Variants in UBE2E2 observed in about 807,000 individuals in gnomAD.
UBE2E2 encodes ubiquitin conjugating enzyme E2 E2.
A neutral mutation model predicts 24.7 loss-of-function variants in UBE2E2; 6 were observed. The observed-to-expected ratio is 0.24, with a 90% CI of 0.13 to 0.48. UBE2E2 has a LOEUF of 0.48. Among genes scored for constraint, UBE2E2 ranks in the 20% least tolerant of loss-of-function variants. UBE2E2 has a pLI of 0.99. For missense variants in UBE2E2, 169 were observed against 245.0 expected, an observed-to-expected ratio of 0.69 and a Z score of 2.07; for synonymous variants, 104 against 83.6, an observed-to-expected ratio of 1.24 and a Z score of -1.33.
rs550592213 is a variant in UBE2E2, at chr3:23,341,439, G to A, written c.227+124127G>A. On this transcript the variant is annotated intron_variant, in intron 3 of 5. Transcript: ENST00000396703. ...TTGAGGGCATTGTAGGTCTCATTTT[G>A]GACATATGAACTCTGGTAGTTATAA... Among the ~76,000 whole-genome samples, 44 of 152,038 alleles carry A rather than the reference G, an allele frequency of 2.9e-4. No homozygotes were observed. In the South Asian group the frequency reaches 8.4e-3, roughly 29 times the overall value.
intron 3 of UBE2E2, among the ~76,000 whole-genome samples, chr3:23,347,336 A>G (rs1201416082): frequency 2.0e-5 from 3 of 152,238 alleles, no homozygotes; most frequent in Admixed American, 6.5e-5. Flanking sequence ...GAATTAAGAA[A>G]ATGTGGCACA....
At chr3:23,386,073 T>C (rs540465406) in intron 3 of UBE2E2, among the ~76,000 whole-genome samples, 1 of 152,128 alleles carries the variant, frequency 6.6e-6, no homozygotes, top group African/African-American at 2.4e-5. Flanking sequence ...AGGCTATTTA[T>C]CTCTTTAACA....
chr3:23,241,983 C>T (rs1225132206), intron 3 of UBE2E2, among the ~76,000 whole-genome samples: 1 of 152,210 alleles, frequency 6.6e-6, no homozygotes, highest in Non-Finnish European at 1.5e-5. Context: ...GATCATAGCT[C>T]ACTGCAACCT....
At chr3:23,483,922 A>G (rs1699308237) in intron 3 of UBE2E2, among the ~76,000 whole-genome samples, 1 of 152,160 alleles carries the variant, frequency 6.6e-6, no homozygotes. Context: ...AAGGTACACA[A>G]ACACAGCGGA....
chr3:23,364,299 G>C (rs982419904), intron 3 of UBE2E2, among the ~76,000 whole-genome samples: 6 of 151,958 alleles, frequency 3.9e-5, no homozygotes, highest in Admixed American at 3.9e-4. Flanking sequence ...AGGAAACTGA[G>C]ATGTAAAAAA....
chr3:23,422,991 T>G (rs559188137), intron 3 of UBE2E2, among the ~76,000 whole-genome samples: 2 of 152,340 alleles, frequency 1.3e-5, no homozygotes, highest in Admixed American at 6.5e-5. Flanking sequence ...AAAGTCAGTA[T>G]GTAAAGTCAG....
intron 3 of UBE2E2, among the ~76,000 whole-genome samples, chr3:23,292,879 G>A (rs535058862): frequency 6.6e-6 from 1 of 152,244 alleles, no homozygotes; most frequent in Non-Finnish European, 1.5e-5. Context: ...TTTGAGACCA[G>A]CCTGACCAAC....
At chr3:23,209,851 C>G (rs1167583666) in intron 2 of UBE2E2, among the ~76,000 whole-genome samples, 1 of 152,100 alleles carries the variant, frequency 6.6e-6, no homozygotes, top group Admixed American at 6.5e-5. Flanking sequence ...GTGGTTATTC[C>G]AAGGTACTAG....
chr3:23,517,064 A>G (rs1400153670), intron 4 of UBE2E2, among the ~76,000 whole-genome samples: 4 of 152,182 alleles, frequency 2.6e-5, no homozygotes, highest in Non-Finnish European at 5.9e-5. Context: ...GCATTCTTCT[A>G]ATATTGTCAG....
intron 3 of UBE2E2, among the ~76,000 whole-genome samples, chr3:23,495,648 T>G (rs1213670655): frequency 6.6e-6 from 1 of 152,218 alleles, no homozygotes; most frequent in African/African-American, 2.4e-5. Context: ...CTATTCATAT[T>G]GGGTTTAATT....
At chr3:23,418,799 T>C (rs1697717573) in intron 3 of UBE2E2, among the ~76,000 whole-genome samples, 1 of 152,212 alleles carries the variant, frequency 6.6e-6, no homozygotes, top group Admixed American at 6.5e-5. Flanking sequence ...ATTACAGCAG[T>C]AATGACTCTG....
intron 3 of UBE2E2, among the ~76,000 whole-genome samples, chr3:23,486,040 A>C (rs1015879819): frequency 3.3e-5 from 5 of 152,148 alleles, no homozygotes; most frequent in African/African-American, 1.2e-4. Context: ...AGTTTTGCTC[A>C]TGCCTGCTGG....
chr3:23,413,528 T>C (rs1200898660), intron 3 of UBE2E2, among the ~76,000 whole-genome samples: 1 of 152,130 alleles, frequency 6.6e-6, no homozygotes, highest in Non-Finnish European at 1.5e-5. Flanking sequence ...CTTCTAATGT[T>C]TTTTCTTCAC....
At chr3:23,312,274 A>G (rs988028004) in intron 3 of UBE2E2, among the ~76,000 whole-genome samples, 5 of 152,194 alleles carry the variant, frequency 3.3e-5, no homozygotes, top group African/African-American at 1.2e-4. Flanking sequence ...ATATTTCTTT[A>G]TAGCAATGCG....
intron 3 of UBE2E2, among the ~76,000 whole-genome samples, chr3:23,419,022 T>C (rs1697726104): frequency 6.6e-6 from 1 of 151,606 alleles, no homozygotes; most frequent in African/African-American, 2.4e-5. Context: ...GGCATGATCA[T>C]GACTCCCTGC....
chr3:23,223,193 T>TG (rs1696709710), intron 3 of UBE2E2, among the ~76,000 whole-genome samples: 2 of 142,032 alleles, frequency 1.4e-5, no homozygotes, highest in Non-Finnish European at 3.2e-5. Context: ...CTGATTTTTG[T>TG]ATTTTTTTTT....
At chr3:23,503,226 T>G in intron 4 of UBE2E2, among the ~76,000 whole-genome samples, 1 of 151,862 alleles carries the variant, frequency 6.6e-6, no homozygotes, top group Non-Finnish European at 1.5e-5. Flanking sequence ...AGTTCGCTCT[T>G]TTGCCTAAGC....
intron 3 of UBE2E2, among the ~76,000 whole-genome samples, chr3:23,333,143 G>T (rs978424413): frequency 6.6e-6 from 1 of 152,132 alleles, no homozygotes; most frequent in Non-Finnish European, 1.5e-5. Flanking sequence ...GCCCTGCAAG[G>T]CTCTCTGAGA....
rs1698453394 is a variant in UBE2E2 at position 23,280,033 on chromosome 3, A to G, written c.227+62721A>G. Among the ~76,000 whole-genome samples the G allele has an allele frequency of 6.6e-6, 1 of 152,214 alleles. No individual in the cohort carries two copies. The highest frequency in any genetic ancestry group is 1.5e-5 in the Non-Finnish European group (1 of 68,036). On this transcript the variant is annotated intron_variant, in intron 3 of 5. Transcript: ENST00000396703. The surrounding 1 kb of genome is among the most constrained non-coding windows in gnomAD (Gnocchi z 4.3). ...AGTAGACATTGTCTCTCATTCACCT[A>G]TTAGGCCATACATTCAAATAAGCAT...
Sources: gnomAD v4.1 joint callset for allele counts (sites outside exome capture counted in the v4.1 genomes callset) on GRCh38, gnomAD v4.1.1 for gene constraint, Gnocchi (gnomAD v3.1) non-coding constraint, MANE v1.5 for transcripts, NCBI Gene and HGNC (gene_info 2026-07-23, HGNC 2026-07-21) for gene names.